CEP112: variants seen among roughly 807,000 people sequenced by gnomAD.
CEP112 encodes the protein centrosomal protein 112.
A neutral mutation model predicts 153.0 loss-of-function variants in CEP112; 127 were observed. The ratio of observed to expected loss-of-function variants is 0.83; its 90% CI spans 0.72 to 0.96. The LOEUF is 0.96. Ranked by LOEUF, CEP112 falls within the 40% of genes least tolerant of loss-of-function variation. The pLI is 0.00. For missense variants in CEP112, 1,089 were observed against 1,101.2 expected (o/e 0.99, Z 0.16); for synonymous variants, 358 against 374.4 (o/e 0.96, Z 0.51).
intron 12 of CEP112, among the ~76,000 whole-genome samples, chr17:66,046,204 G>A (rs912664619): frequency 2.0e-5 from 3 of 151,970 alleles, no homozygotes; most frequent in Non-Finnish European, 4.4e-5. Flanking sequence ...TGCCACGCCC[G>A]GCTAATTTTC....
intron 24 of CEP112, among the ~76,000 whole-genome samples, chr17:65,647,243 G>A (rs563713102): frequency 6.3e-5 from 9 of 142,506 alleles, no homozygotes; most frequent in Non-Finnish European, 1.2e-4. Flanking sequence ...GCGCGATCTC[G>A]GCTCAGCGCA....
intron 5 of CEP112, among the ~76,000 whole-genome samples, chr17:66,131,380 T>C (rs1187892369): frequency 6.6e-6 from 1 of 152,204 alleles, no homozygotes; most frequent in East Asian, 1.9e-4. Flanking sequence ...GCCCTTTATA[T>C]TTTTTTAATT....
At chr17:66,098,676 C>T (rs560166217) in intron 6 of CEP112, among the ~76,000 whole-genome samples, 5 of 152,222 alleles carry the variant, frequency 3.3e-5, no homozygotes, top group South Asian at 4.1e-4. Context: ...TTCGTGTGGA[C>T]GCCAGATCCT....
chr17:65,692,958 G>C (rs1029450044), intron 23 of CEP112, among the ~76,000 whole-genome samples: 1 of 152,014 alleles, frequency 6.6e-6, no homozygotes, highest in Non-Finnish European at 1.5e-5. Context: ...TTTAACCAAA[G>C]GTGATTATGT....
chr17:65,819,028 T>C (rs1202256040), intron 21 of CEP112, among the ~76,000 whole-genome samples: 2 of 151,952 alleles, frequency 1.3e-5, no homozygotes, highest in African/African-American at 2.4e-5. Context: ...TCTCTTGTAA[T>C]TTTTTCTCTA....
chr17:66,060,448 G>A (rs545686418), intron 11 of CEP112, among the ~76,000 whole-genome samples: 1 of 152,188 alleles, frequency 6.6e-6, no homozygotes, highest in South Asian at 2.1e-4. Context: ...AGTAGCCAAA[G>A]CAATCTTAAG....
intron 8 of CEP112, among the ~76,000 whole-genome samples, chr17:66,072,616 A>T (rs997311539): frequency 6.6e-5 from 10 of 152,192 alleles, no homozygotes; most frequent in African/African-American, 2.4e-4. Flanking sequence ...ATTGCATCAT[A>T]TTAGAAGGAG....
intron 21 of CEP112, among the ~76,000 whole-genome samples, chr17:65,796,311 T>G (rs1417942345): frequency 6.6e-6 from 1 of 152,180 alleles, no homozygotes; most frequent in Non-Finnish European, 1.5e-5. Flanking sequence ...CTTATAAGAT[T>G]AGCACAGTTC....
chr17:65,739,857 C>A (rs975019949), intron 23 of CEP112, among the ~76,000 whole-genome samples: 1 of 152,156 alleles, frequency 6.6e-6, no homozygotes, highest in African/African-American at 2.4e-5. Flanking sequence ...GAGGATCATG[C>A]CTGCTGTTAG....
At chr17:65,810,275 C>T (rs1437860167) in intron 21 of CEP112, among the ~76,000 whole-genome samples, 1 of 151,676 alleles carries the variant, frequency 6.6e-6, no homozygotes, top group Non-Finnish European at 1.5e-5. Flanking sequence ...GAATATATAC[C>T]CCCCTCCCTA....
intron 6 of CEP112, among the ~76,000 whole-genome samples, chr17:66,115,088 C>T (rs2069224206): frequency 6.6e-6 from 1 of 152,050 alleles, no homozygotes; most frequent in Non-Finnish European, 1.5e-5. Flanking sequence ...ACCTGTAATC[C>T]TAGCTACTCA....
chr17:65,963,063 T>C (rs1431200338), intron 17 of CEP112, among the ~76,000 whole-genome samples: 3 of 152,168 alleles, frequency 2.0e-5, no homozygotes, highest in East Asian at 3.9e-4. Flanking sequence ...CTTCCAAGGT[T>C]ACACACCTAG....
At chr17:65,983,051 G>A (rs2063285520) in intron 17 of CEP112, among the ~76,000 whole-genome samples, 1 of 152,208 alleles carries the variant, frequency 6.6e-6, no homozygotes, top group Admixed American at 6.5e-5. Context: ...GTGGTTAGGA[G>A]GATCTGACAG....
chr17:66,066,999 T>C (rs373337816), intron 9 of CEP112, 122 bp from the exon 10 acceptor site: 3 of 518,718 alleles, frequency 5.8e-6, no homozygotes, highest in African/African-American at 4.3e-5. Context: ...CAAATATGAC[T>C]ACACTGTGAA....
chr17:66,171,024 C>T (rs2072222162), intron 4 of CEP112, among the ~76,000 whole-genome samples: 1 of 151,948 alleles, frequency 6.6e-6, no homozygotes, highest in Non-Finnish European at 1.5e-5. Flanking sequence ...AAAAATAAAG[C>T]GTGAGAATAA....
At chr17:65,719,013 T>G (rs547991380) in intron 23 of CEP112, among the ~76,000 whole-genome samples, 3 of 152,366 alleles carry the variant, frequency 2.0e-5, no homozygotes, top group East Asian at 3.9e-4. Flanking sequence ...GTGGGGATAC[T>G]TAAGAAGTTA....
intron 16 of CEP112, among the ~76,000 whole-genome samples, chr17:66,022,759 A>AT (rs2065053361): frequency 1.3e-5 from 2 of 151,584 alleles, no homozygotes; most frequent in Admixed American, 6.6e-5. Flanking sequence ...AAAAATACTG[A>AT]TTTTAAAGAG....
chr17:65,672,525 G>A (rs983802711), intron 24 of CEP112, among the ~76,000 whole-genome samples: 2 of 152,154 alleles, frequency 1.3e-5, no homozygotes, highest in Admixed American at 1.3e-4. Context: ...CTACATATTA[G>A]TACTCTTCAG....
At chr17:65,693,184 C>T (rs905620871) in intron 23 of CEP112, among the ~76,000 whole-genome samples, 2 of 152,096 alleles carry the variant, frequency 1.3e-5, no homozygotes, top group Non-Finnish European at 2.9e-5. Flanking sequence ...TGGCTTCTCT[C>T]CCTCCTTGCC....
Sources: gnomAD v4.1 joint callset for allele counts (sites outside exome capture counted in the v4.1 genomes callset) on GRCh38, gnomAD v4.1.1 for gene constraint, MANE v1.5 for transcripts, NCBI Gene and HGNC (gene_info 2026-07-23, HGNC 2026-07-21) for gene names.